PTPRN2: variants seen among roughly 807,000 people sequenced by gnomAD.
PTPRN2 encodes the protein receptor-type tyrosine-protein phosphatase N2.
Under a neutral mutation model 118.8 loss-of-function variants are expected in PTPRN2, and 74 were observed. That is an observed-to-expected ratio of 0.62 (90% CI 0.52 to 0.76). The LOEUF is 0.76. PTPRN2 is among the 30% of genes least tolerant of loss of function. The pLI is 0.00. For synonymous variants in PTPRN2, 641 were observed against 608.0 expected (o/e 1.05, Z -0.80); for missense variants, 1,481 against 1,394.4 (o/e 1.06, Z -0.99).
intron 3 of PTPRN2, among the ~76,000 whole-genome samples, chr7:158,272,809 C>G (rs889373135): frequency 3.9e-5 from 6 of 152,040 alleles, no homozygotes; most frequent in African/African-American, 1.2e-4. Flanking sequence ...GGGGAGGTGC[C>G]GCCGGCAGAA....
chr7:158,136,841 C>T (rs1265093867), intron 7 of PTPRN2, 146 bp from the exon 8 acceptor site: 1 of 738,920 alleles, frequency 1.4e-6, no homozygotes, highest in African/African-American at 1.8e-5. Flanking sequence ...TAGAGTAAAC[C>T]TTTTCTGTTT....
chr7:158,118,249 C>T (rs1383427107), intron 9 of PTPRN2, among the ~76,000 whole-genome samples: 1 of 151,986 alleles, frequency 6.6e-6, no homozygotes, highest in African/African-American at 2.4e-5. Flanking sequence ...TTTGTGATAT[C>T]AATAGCCAAA....
intron 3 of PTPRN2, among the ~76,000 whole-genome samples, chr7:158,298,692 C>A (rs1800663465): frequency 6.6e-6 from 1 of 152,188 alleles, no homozygotes. Flanking sequence ...AAGGGCCCAG[C>A]AGGATGTGCC....
chr7:157,640,713 T>C (rs1006466515), intron 14 of PTPRN2, among the ~76,000 whole-genome samples: 13 of 152,202 alleles, frequency 8.5e-5, no homozygotes, highest in African/African-American at 2.9e-4. Context: ...GGAACCACCA[T>C]CCGACCAGCA....
In PTPRN2 at chr7:157,674,278, T is replaced by C. The variant is rs1410469512; in HGVS notation, c.2001+8447A>G. Among the ~76,000 whole-genome samples, 1 of 152,088 alleles carries C rather than the reference T, an allele frequency of 6.6e-6. No homozygotes were observed. Among genetic ancestry groups the C allele is most frequent in the African/African-American group, 2.4e-5 (1 of 41,424 alleles). Reference sequence around the variant, plus strand: ...AGACAGCCAGGCGGCGAGGGACTTGTCCTGTGGAGGCCTCCCCAGGAGGCG... The same window carrying C: ...AGACAGCCAGGCGGCGAGGGACTTGCCCTGTGGAGGCCTCCCCAGGAGGCG... On this transcript the variant is annotated intron_variant, in intron 13 of 22. Coordinates refer to ENST00000389418, the MANE Select transcript of PTPRN2 (RefSeq NM_002847.5). The surrounding 1 kb of genome is among the most constrained non-coding windows in gnomAD (Gnocchi z 4.5).
chr7:158,243,459 T>C (rs79919423), intron 3 of PTPRN2, among the ~76,000 whole-genome samples: 5,280 of 152,318 alleles, frequency 0.035, 126 homozygotes, highest in East Asian at 0.11. Flanking sequence ...AAAAAAGATC[T>C]GTCTGGTTTC....
At chr7:157,961,040 A>C (rs910352183) in intron 11 of PTPRN2, among the ~76,000 whole-genome samples, 3 of 152,144 alleles carry the variant, frequency 2.0e-5, no homozygotes, top group African/African-American at 7.2e-5. Context: ...AAAACAAAAC[A>C]AAAAACAAGC....
At chr7:158,177,321 G>A (rs1226625204) in intron 5 of PTPRN2, among the ~76,000 whole-genome samples, 2 of 152,042 alleles carry the variant, frequency 1.3e-5, no homozygotes, top group East Asian at 1.9e-4. Context: ...TGTGAATAAG[G>A]ATGCTAAGCA....
chr7:158,174,241 C>T (rs1380257942), intron 5 of PTPRN2, among the ~76,000 whole-genome samples: 2 of 152,300 alleles, frequency 1.3e-5, no homozygotes, highest in East Asian at 3.9e-4. Flanking sequence ...CAGCCGGTCC[C>T]TCCATTTGGG....
chr7:158,208,914 G>T (rs900386046), intron 3 of PTPRN2, among the ~76,000 whole-genome samples: 1 of 152,078 alleles, frequency 6.6e-6, no homozygotes, highest in African/African-American at 2.4e-5. Context: ...AAAGTGTAGA[G>T]TTTTTATTAG....
chr7:158,472,437 G>A (rs1478012545), intron 2 of PTPRN2, among the ~76,000 whole-genome samples: 3 of 152,256 alleles, frequency 2.0e-5, no homozygotes, highest in Non-Finnish European at 2.9e-5. Flanking sequence ...AATCTAACAC[G>A]ATAACATATA....
intron 11 of PTPRN2, among the ~76,000 whole-genome samples, chr7:157,956,966 C>T (rs1460070734): frequency 6.6e-6 from 1 of 152,156 alleles, no homozygotes; most frequent in Admixed American, 6.5e-5. Flanking sequence ...GCATCTGAGC[C>T]CATTCTGTTT....
intron 3 of PTPRN2, among the ~76,000 whole-genome samples, chr7:158,274,782 G>T (rs998389551): frequency 1.3e-5 from 2 of 152,214 alleles, no homozygotes; most frequent in African/African-American, 4.8e-5. Flanking sequence ...CACACAGGGA[G>T]CCTGACTGCA....
chr7:158,047,272 A>T (rs372090510), intron 11 of PTPRN2, among the ~76,000 whole-genome samples: 1 of 152,262 alleles, frequency 6.6e-6, no homozygotes, highest in Non-Finnish European at 1.5e-5. Context: ...CCCATGGGCC[A>T]TGCAGAACAG....
intron 12 of PTPRN2, among the ~76,000 whole-genome samples, chr7:157,834,949 G>A (rs1335269404): frequency 6.6e-6 from 1 of 152,244 alleles, no homozygotes; most frequent in Non-Finnish European, 1.5e-5. Flanking sequence ...CAGATCTGGG[G>A]AAAGAATGCA....
At chr7:158,149,543 C>T (rs760051505) in intron 6 of PTPRN2, among the ~76,000 whole-genome samples, 80 of 152,180 alleles carry the variant, frequency 5.3e-4, no homozygotes, top group Non-Finnish European at 1.0e-3. Context: ...GTGGCTCATG[C>T]CTGTAATCCC....
chr7:158,506,037 G>C (rs1822723193), intron 1 of PTPRN2, among the ~76,000 whole-genome samples: 1 of 152,246 alleles, frequency 6.6e-6, no homozygotes, highest in African/African-American at 2.4e-5. Flanking sequence ...CAGAGGGTGA[G>C]GAGGGCAAAG....
chr7:157,698,574 T>C (rs1264223356), intron 12 of PTPRN2, among the ~76,000 whole-genome samples: 1 of 152,218 alleles, frequency 6.6e-6, no homozygotes, highest in Non-Finnish European at 1.5e-5. Flanking sequence ...ATTCAAAGAA[T>C]AGAAAAAGCC....
chr7:157,870,639 C>T (rs1810990946), intron 12 of PTPRN2, among the ~76,000 whole-genome samples: 1 of 152,174 alleles, frequency 6.6e-6, no homozygotes, highest in Admixed American at 6.5e-5. Context: ...TTTTTGAAAT[C>T]CATGCATAGT....
Sources: allele counts gnomAD v4.1 joint callset (sites outside exome capture counted in the v4.1 genomes callset), GRCh38; gene constraint gnomAD v4.1.1; non-coding constraint Gnocchi (gnomAD v3.1); transcripts MANE v1.5; gene names NCBI Gene and HGNC (gene_info 2026-07-23, HGNC 2026-07-21).